The following PCDHGA3 variants were observed in gnomAD, a reference collection of about 807,000 sequenced individuals.
PCDHGA3 encodes protocadherin gamma subfamily A, 3.
Under a neutral mutation model 58.5 loss-of-function variants are expected in PCDHGA3, and 40 were observed. That is an observed-to-expected ratio of 0.68 (90% CI 0.53 to 0.89). The LOEUF (loss-of-function observed/expected upper bound fraction) is 0.89. Among genes scored for constraint, PCDHGA3 ranks in the 40% least tolerant of loss-of-function variants. The pLI, the probability that PCDHGA3 is intolerant of heterozygous loss-of-function variation, is 0.00. For synonymous variants in PCDHGA3, 530 were observed against 525.7 expected (o/e 1.01, Z -0.11); for missense variants, 1,223 against 1,195.9 (o/e 1.02, Z -0.33).
Position 141,432,923 on chromosome 5 carries a change from T to C in PCDHGA3, c.2425-61884T>C. ...GCTCAGGCTGCGGCGCTGGCACAAG[T>C]CACGCCTGCTGCAGGCTTCAGGAGG... On this transcript the variant is annotated intron_variant, in intron 1 of 3. Coordinates refer to ENST00000253812, the MANE Select transcript of PCDHGA3 (RefSeq NM_018916.4). This position sits in a 1 kb window ranked among gnomAD's most constrained non-coding sequence, Gnocchi z 6.0. The C allele has an allele frequency of 6.2e-7, 1 of 1,614,186 alleles. No homozygotes were observed. Among genetic ancestry groups the C allele is most frequent in the Non-Finnish European group, 8.5e-7 (1 of 1,180,034 alleles).
Position 141,345,496 on chromosome 5 carries a change from C to T in PCDHGA3, c.1463C>T (p.Thr488Ile). 6.2e-7 allele frequency: 1 copy of T among 1,614,182 alleles called. No individual in the cohort carries two copies. The highest frequency in any genetic ancestry group is 1.6e-4 in the Middle Eastern group (1 of 6,062). The change falls in exon 1 of 4, where the codon ACT (threonine) becomes ATT (isoleucine). Residue 488 changes from threonine to isoleucine, a missense_variant. Around this residue, in one of 3 missense-constraint regions of PCDHGA3, gnomAD observed 791 missense variants for 708.5 expected, o/e 1.12. Transcript: ENST00000253812. ...DPDSNNNARI[T>I]YALTEDTLQG... ...GATAGCAACAACAACGCCCGCATCA[C>T]TTATGCATTGACCGAGGACACTCTC...
chr5:141,387,122 A>G (rs960154825), intron 1 of PCDHGA3, among the ~76,000 whole-genome samples: 24 of 152,234 alleles, frequency 1.6e-4, no homozygotes, highest in African/African-American at 5.5e-4. Flanking sequence ...CTGTAATGAA[A>G]TCACTGAAAC....
intron 1 of PCDHGA3, chr5:141,356,922 T>A: frequency 6.2e-7 from 1 of 1,613,632 alleles, no homozygotes; most frequent in Non-Finnish European, 8.5e-7. Flanking sequence ...GCTCCACTGG[T>A]GTGGAGCTGG....
chr5:141,491,641 C>T lies in PCDHGA3; in HGVS notation c.2425-3166C>T. Reference sequence around the variant, plus strand: ...CCTCAGCGTTCAGCAGCCCACAGCTCTGGCGCTGGAGCCTGACGCCATCCG... The same window carrying T: ...CCTCAGCGTTCAGCAGCCCACAGCTTTGGCGCTGGAGCCTGACGCCATCCG... On this transcript the variant is annotated intron_variant, in intron 1 of 3. Coordinates refer to ENST00000253812, the MANE Select transcript of PCDHGA3 (RefSeq NM_018916.4). The surrounding 1 kb of genome is among the most constrained non-coding windows in gnomAD (Gnocchi z 6.9). The T allele has an allele frequency of 6.2e-7, 1 of 1,613,896 alleles. No homozygotes were observed. Among genetic ancestry groups the T allele is most frequent in the Non-Finnish European group, 8.5e-7 (1 of 1,180,018 alleles).
At chr5:141,369,998 A>G (rs553441989) in intron 1 of PCDHGA3, among the ~76,000 whole-genome samples, 1 of 152,372 alleles carries the variant, frequency 6.6e-6, no homozygotes, top group Admixed American at 6.5e-5. Context: ...ATAAAGCTCA[A>G]ATTAAAAGAA....
rs774649069 is a variant in PCDHGA3 at position 141,477,417 on chromosome 5, C to G, written c.2425-17390C>G. The G allele has an allele frequency of 1.2e-6, 2 of 1,614,172 alleles. No individual in the cohort carries two copies. The highest frequency in any genetic ancestry group is 2.7e-5 in the African/African-American group (2 of 75,032). On this transcript the variant is annotated intron_variant, in intron 1 of 3. Coordinates refer to ENST00000253812, the MANE Select transcript of PCDHGA3 (RefSeq NM_018916.4). The surrounding 1 kb of genome is among the most constrained non-coding windows in gnomAD (Gnocchi z 4.9). Reference sequence around the variant, plus strand: ...AGCATCACCGCCCGAGACGCCGGAACCCCTTCCCTCTCAGCCCTTACAATA... The same window carrying G: ...AGCATCACCGCCCGAGACGCCGGAAGCCCTTCCCTCTCAGCCCTTACAATA...
chr5:141,413,024 C>A, intron 1 of PCDHGA3: 2 of 736,250 alleles, frequency 2.7e-6, no homozygotes, highest in Non-Finnish European at 4.2e-6. Flanking sequence ...ACAAGCCCCA[C>A]AAACCGGCTG....
At chr5:141,359,971 G>C (rs1203872365) in intron 1 of PCDHGA3, 1 of 696,752 alleles carries the variant, frequency 1.4e-6, no homozygotes, top group East Asian at 3.0e-5. Context: ...GAAGCGTTTG[G>C]GAGCCTCTTA....
chr5:141,455,798 T>TA (rs2098831882), intron 1 of PCDHGA3, among the ~76,000 whole-genome samples: 1 of 152,036 alleles, frequency 6.6e-6, no homozygotes, highest in African/African-American at 2.4e-5. Flanking sequence ...GGAGATGCTT[T>TA]AAAAAATGAA....
intron 1 of PCDHGA3, chr5:141,433,104 A>G: frequency 6.2e-7 from 1 of 1,614,214 alleles, no homozygotes; most frequent in Non-Finnish European, 8.5e-7. Flanking sequence ...CTCGTCAGCC[A>G]GGAGAGCTTT....
At chr5:141,366,037 A>G (rs1276608872) in intron 1 of PCDHGA3, 1 of 1,614,112 alleles carries the variant, frequency 6.2e-7, no homozygotes, top group African/African-American at 1.3e-5. Flanking sequence ...CCCTCCCCAC[A>G]GACGGTTCCA....
intron 1 of PCDHGA3, among the ~76,000 whole-genome samples, chr5:141,445,077 T>C (rs778919022): frequency 5.9e-5 from 9 of 152,242 alleles, no homozygotes; most frequent in Non-Finnish European, 1.2e-4. Flanking sequence ...CTCATTAAAT[T>C]GTCCCTACAT....
At chr5:141,369,892 TATG>T (rs1425925280) in intron 1 of PCDHGA3, among the ~76,000 whole-genome samples, 1 of 152,208 alleles carries the variant, frequency 6.6e-6, no homozygotes. Context: ...AAGATATTAT[TATG>T]ACCATTTTAT....
intron 1 of PCDHGA3, among the ~76,000 whole-genome samples, chr5:141,483,164 T>C (rs1051456583): frequency 1.1e-4 from 17 of 152,148 alleles, no homozygotes; most frequent in Non-Finnish European, 2.5e-4. Context: ...AGATCCTGAG[T>C]TACCTTTGGG....
Position 141,344,686 on chromosome 5 carries a change from G to C in PCDHGA3, c.653G>C (p.Gly218Ala), listed in dbSNP as rs759748727. 3.6e-5 allele frequency: 58 copies of C among 1,613,848 alleles called. No homozygotes were observed. Among genetic ancestry groups the C allele is most frequent in the Non-Finnish European group, 4.6e-5 (54 of 1,179,902 alleles). Residue 218 changes from glycine to alanine, a missense_variant, in exon 1 of 4, where the codon GGC becomes GCC. This residue lies in a region of PCDHGA3 where 791 missense variants were observed against 708.5 expected (regional missense o/e 1.12). Transcript: ENST00000253812. Reference protein sequence around the residue: ...HQLVLVASDGGDPVHSGNLHI... With the variant: ...HQLVLVASDGADPVHSGNLHI... ...CTTGTCCTGGTTGCCTCTGATGGTG[G>C]CGACCCTGTCCACTCTGGCAACTTG...
At chr5:141,362,157 C>T (rs1762354661) in intron 1 of PCDHGA3, 4 of 1,614,036 alleles carry the variant, frequency 2.5e-6, no homozygotes, top group Non-Finnish European at 3.4e-6. Context: ...TATTGCCAGA[C>T]CTCAGCGACC....
intron 1 of PCDHGA3, chr5:141,395,051 A>G: frequency 6.2e-7 from 1 of 1,614,178 alleles, no homozygotes; most frequent in Non-Finnish European, 8.5e-7. Flanking sequence ...TTGAGGAGGT[A>G]CAGGCTTTCC....
At chr5:141,361,322 C>A (rs1475894704) in intron 1 of PCDHGA3, 1 of 1,613,960 alleles carries the variant, frequency 6.2e-7, no homozygotes. Flanking sequence ...ATTTTGAAAT[C>A]TTCCTCAAAG....
At chr5:141,385,826 TTACAG>T (rs2090363283) in intron 1 of PCDHGA3, 1 of 155,578 alleles carries the variant, frequency 6.4e-6, no homozygotes, top group Non-Finnish European at 1.4e-5. Flanking sequence ...CTTGACCTAT[TTACAG>T]TATAATCATT....
Sources: allele counts gnomAD v4.1 joint callset (sites outside exome capture counted in the v4.1 genomes callset), GRCh38; gene constraint gnomAD v4.1.1; regional missense constraint gnomAD v4.1.1; non-coding constraint Gnocchi (gnomAD v3.1); transcripts MANE v1.5; gene names NCBI Gene and HGNC (gene_info 2026-07-23, HGNC 2026-07-21).